The following FBXO8 variants were observed in gnomAD, a reference collection of about 807,000 sequenced individuals.
FBXO8 encodes the protein F-box only protein 8.
In FBXO8, 15 loss-of-function variants were observed where a neutral mutation model predicts 33.4. That is an observed-to-expected ratio of 0.45 (90% CI 0.30 to 0.69). The LOEUF is 0.69. FBXO8 is among the 30% of genes least tolerant of loss of function. The pLI, the probability that FBXO8 is intolerant of heterozygous loss-of-function variation, is 0.08. For missense variants in FBXO8, 274 were observed against 380.3 expected (o/e 0.72, Z 2.32); for synonymous variants, 132 against 131.5 (o/e 1.00, Z -0.02).
rs2126429039 is a variant in FBXO8 at position 174,255,528 on chromosome 4, T to C, written c.456+4171A>G. Among the ~76,000 whole-genome samples the C allele has an allele frequency of 6.6e-6, 1 of 151,834 alleles. No individual in the cohort carries two copies. The highest frequency in any genetic ancestry group is 3.4e-3 in the Middle Eastern group (1 of 292). ...ATAATAGATTATTTAGTAAAATGTA[T>C]AAAATTATACACATGTGGATATTTC... On this transcript the variant is annotated intron_variant, in intron 3 of 5. Transcript: ENST00000393674. This position sits in a 1 kb window ranked among gnomAD's most constrained non-coding sequence, Gnocchi z 4.3.
rs1485567523 is a variant in FBXO8, at chr4:174,239,156, T to C, written c.610A>G (p.Asn204Asp). Residue 204 changes from asparagine (N) to aspartate (D), a missense_variant, in exon 5 of 6, where the codon AAT becomes GAT. By Grantham distance (23) the Asn-to-Asp change is conservative. Around this residue, in one of 2 missense-constraint regions of FBXO8, gnomAD observed 186 missense variants for 293.4 expected, o/e 0.63. Coordinates refer to ENST00000393674, the MANE Select transcript of FBXO8 (RefSeq NM_012180.3). The stretch of plus-strand genomic sequence containing the variant: ...TTTGGCAAGAACTGATTTCTAAAAT[T>C]ATGCAATGTTACAAGGTCATCCAAG... ...DVLDDLVTLHNFRNQFLPNAL... is the reference protein window; with the variant it reads ...DVLDDLVTLHDFRNQFLPNAL... 6.3e-7 allele frequency: 1 copy of C among 1,594,694 alleles called. No individual in the cohort carries two copies. The highest frequency in any genetic ancestry group is 1.4e-5 in the African/African-American group (1 of 73,936).
rs1047088370 is a variant in FBXO8 at position 174,254,333 on chromosome 4, G to A, written c.456+5366C>T. 1.3e-5 allele frequency among the ~76,000 whole-genome samples: 2 copies of A among 152,116 alleles called. No individual in the cohort carries two copies. The highest frequency in any genetic ancestry group is 4.8e-5 in the African/African-American group (2 of 41,412). On this transcript the variant is annotated intron_variant, in intron 3 of 5. Transcript: ENST00000393674. This position sits in a 1 kb window ranked among gnomAD's most constrained non-coding sequence, Gnocchi z 4.2. ...ACTACCTGTAAGTTTATTCCTGAGA[G>A]ATTCACTTTCAGTAGAAAGATAAAG... is the stretch of plus-strand genomic sequence containing the variant.
chr4:174,241,935 CTTTAGA>C lies in FBXO8; in HGVS notation c.457-723_457-718del, dbSNP rs956454028. Among the ~76,000 whole-genome samples the C allele has an allele frequency of 6.6e-6, 1 of 151,500 alleles. No homozygotes were observed. The highest frequency in any genetic ancestry group is 2.4e-5 in the African/African-American group (1 of 41,370). On this transcript the variant is annotated intron_variant, in intron 3 of 5. Transcript: ENST00000393674. The surrounding 1 kb of genome is among the most constrained non-coding windows in gnomAD (Gnocchi z 4.2). ...AGCATTACCCATAAGTTTTTACCTA[CTTTAGA>C]TTTAAACCACCACCAACAAAACACC... is the stretch of plus-strand genomic sequence containing the variant.
Position 174,236,737 on chromosome 4 carries a change from G to T in FBXO8, c.*675C>A, listed in dbSNP as rs1339211833. The stretch of plus-strand genomic sequence containing the variant: ...TTTTGATGTTTTAAAAATCCTAAAT[G>T]GTTTAAAGGACTTACCGAGACTTGA... On this transcript the variant is annotated 3_prime_UTR_variant, in exon 6 of 6. Coordinates refer to ENST00000393674, the MANE Select transcript of FBXO8 (RefSeq NM_012180.3). The T allele has an allele frequency of 6.6e-6, 1 of 151,608 alleles. No homozygotes were observed. The highest frequency in any genetic ancestry group is 1.9e-4 in the East Asian group (1 of 5,164). 9.4% of individuals were successfully genotyped at this position (151,608 alleles called of 1,614,324 possible). A position where few individuals can be genotyped will look rare whatever the true frequency, so the allele number is the denominator to read the frequency against.
chr4:174,244,951 C>G (rs989037963), intron 3 of FBXO8, among the ~76,000 whole-genome samples: 1 of 151,630 alleles, frequency 6.6e-6, no homozygotes, highest in Non-Finnish European at 1.5e-5. Context: ...GCCTATAAGA[C>G]TAGCTTGTAA....
rs1276309930 is a variant in FBXO8, at chr4:174,278,886, G to A, written c.-9+4524C>T. 6.6e-6 allele frequency among the ~76,000 whole-genome samples: 1 copy of A among 152,118 alleles called. No individual in the cohort carries two copies. Among genetic ancestry groups the A allele is most frequent in the Non-Finnish European group, 1.5e-5 (1 of 67,968 alleles). On this transcript the variant is annotated intron_variant, in intron 1 of 5. Coordinates refer to ENST00000393674, the MANE Select transcript of FBXO8 (RefSeq NM_012180.3). This position sits in a 1 kb window ranked among gnomAD's most constrained non-coding sequence, Gnocchi z 4.1. ...AAACATTTAATAGTGAAAAGAGACT[G>A]ATGGAAAGAAAACATGAGTTTGACT...
In FBXO8 at chr4:174,236,887, T is replaced by C. The variant is rs1735898736; in HGVS notation, c.*525A>G. ...AAAGTTTAAAGGAAAAGGAAGCTGG[T>C]ATTGGTTTCTGTCTGAAGTCAGATC... is the stretch of plus-strand genomic sequence containing the variant. On this transcript the variant is annotated 3_prime_UTR_variant, in exon 6 of 6. Coordinates refer to ENST00000393674, the MANE Select transcript of FBXO8 (RefSeq NM_012180.3). 6.6e-6 allele frequency: 1 copy of C among 152,130 alleles called. No individual in the cohort carries two copies. Among genetic ancestry groups the C allele is most frequent in the African/African-American group, 2.4e-5 (1 of 41,440 alleles). The allele number at this position is 152,130 out of a possible 1,614,324, so 9.4% of individuals were successfully genotyped here.
intron 1 of FBXO8, among the ~76,000 whole-genome samples, chr4:174,268,043 A>G (rs1736731609): frequency 6.6e-6 from 1 of 152,220 alleles, no homozygotes; most frequent in Non-Finnish European, 1.5e-5. Flanking sequence ...CTAAGAGCAT[A>G]GTCTATGTTA....
Position 174,238,976 on chromosome 4 carries a change from T to C in FBXO8, c.772+18A>G, listed in dbSNP as rs375549498. The C allele has an allele frequency of 5.8e-5, 83 of 1,436,166 alleles. No homozygotes were observed. Among genetic ancestry groups the C allele is most frequent in the Non-Finnish European group, 4.3e-5 (46 of 1,077,976 alleles). The allele number at this position is 1,436,166 out of a possible 1,614,324, so 89.0% of individuals were successfully genotyped here. A position where few individuals can be genotyped will look rare whatever the true frequency, so the allele number is the denominator to read the frequency against. On this transcript the variant is annotated intron_variant, in intron 5 of 5. Transcript: ENST00000393674. ...AGATGGGCAGGGGGTGATGTACTATTAATATATATATTCTTACCAGGACTA... is the reference window on the plus strand; with the variant it reads ...AGATGGGCAGGGGGTGATGTACTATCAATATATATATTCTTACCAGGACTA...
At position 174,257,397 on chromosome 4, in the gene FBXO8, T is replaced by C. The variant is rs758794918; in HGVS notation, c.456+2302A>G. On this transcript the variant is annotated intron_variant, in intron 3 of 5. Coordinates refer to ENST00000393674, the MANE Select transcript of FBXO8 (RefSeq NM_012180.3). This position sits in a 1 kb window ranked among gnomAD's most constrained non-coding sequence, Gnocchi z 4.3. ...TCTGACTCTGTAACAATCTACAACT[T>C]AGTACTTACCAGGTTACATTTCTCT... 6.6e-6 allele frequency among the ~76,000 whole-genome samples: 1 copy of C among 152,158 alleles called. No individual in the cohort carries two copies. The highest frequency in any genetic ancestry group is 1.5e-5 in the Non-Finnish European group (1 of 68,018).
rs1384329785 is a variant in FBXO8 at position 174,254,793 on chromosome 4, T to C, written c.456+4906A>G. Among the ~76,000 whole-genome samples, 2 of 152,134 alleles carry C rather than the reference T, an allele frequency of 1.3e-5. No individual in the cohort carries two copies. The highest frequency in any genetic ancestry group is 4.8e-5 in the African/African-American group (2 of 41,440). On this transcript the variant is annotated intron_variant, in intron 3 of 5. Coordinates refer to ENST00000393674, the MANE Select transcript of FBXO8 (RefSeq NM_012180.3). This position sits in a 1 kb window ranked among gnomAD's most constrained non-coding sequence, Gnocchi z 4.2. ...ATCAGACCAAAGGAAAGAAAACAAT[T>C]ACAGACCCACAGACTTTGATAAGAG... is the stretch of plus-strand genomic sequence containing the variant.
Position 174,262,965 on chromosome 4 carries a change from T to C in FBXO8, c.128A>G (p.His43Arg). Residue 43 changes from histidine (H) to arginine (R), a missense_variant, in exon 2 of 6, where the codon CAT becomes CGT. By Grantham distance (29) the His-to-Arg change is conservative. Coordinates refer to ENST00000393674, the MANE Select transcript of FBXO8 (RefSeq NM_012180.3). This position sits in a 1 kb window ranked among gnomAD's most constrained non-coding sequence, Gnocchi z 4.6. ...AATGCCTCCTTGGACTTGTTTACGA[T>C]GATTGGTGTTAGAAATGTTGCTCGC... Reference protein sequence around the residue: ...MAASNISNTNHRKQVQGGIDI... With the variant: ...MAASNISNTNRRKQVQGGIDI... The C allele has an allele frequency of 8.1e-6, 13 of 1,614,036 alleles. No individual in the cohort carries two copies. Among genetic ancestry groups the C allele is most frequent in the Non-Finnish European group, 1.1e-5 (13 of 1,179,926 alleles).
Position 174,256,204 on chromosome 4 carries a change from A to T in FBXO8, c.456+3495T>A. 4.5e-6 allele frequency: 2 copies of T among 448,598 alleles called. No homozygotes were observed. Among genetic ancestry groups the T allele is most frequent in the Middle Eastern group, 9.9e-4 (2 of 2,012 alleles). The allele number at this position is 448,598 out of a possible 1,614,324, so 27.8% of individuals were successfully genotyped here. A position where few individuals can be genotyped will look rare whatever the true frequency, so the allele number is the denominator to read the frequency against. On this transcript the variant is annotated intron_variant, in intron 3 of 5. Coordinates refer to ENST00000393674, the MANE Select transcript of FBXO8 (RefSeq NM_012180.3). This position sits in a 1 kb window ranked among gnomAD's most constrained non-coding sequence, Gnocchi z 4.6. ...GATGTTTGCTATCAAAATGTTAAGTACAATACTGGAAATTATGAAAAAGTA... is the reference window on the plus strand; with the variant it reads ...GATGTTTGCTATCAAAATGTTAAGTTCAATACTGGAAATTATGAAAAAGTA...
rs757801353 is a variant in FBXO8 at position 174,257,148 on chromosome 4, T to C, written c.456+2551A>G. Among the ~76,000 whole-genome samples, 3 of 152,162 alleles carry C rather than the reference T, an allele frequency of 2.0e-5. No individual in the cohort carries two copies. The highest frequency in any genetic ancestry group is 2.9e-5 in the Non-Finnish European group (2 of 68,028). On this transcript the variant is annotated intron_variant, in intron 3 of 5. Coordinates refer to ENST00000393674, the MANE Select transcript of FBXO8 (RefSeq NM_012180.3). The surrounding 1 kb of genome is among the most constrained non-coding windows in gnomAD (Gnocchi z 4.3). ...AGAGGAGGTACTAACAAGAACTGTA[T>C]AGTTTGATATTGGTAGCTGCAAGGA...
chr4:174,277,239 T>G lies in FBXO8; in HGVS notation c.-9+6171A>C, dbSNP rs2080026714. Among the ~76,000 whole-genome samples the G allele has an allele frequency of 6.6e-6, 1 of 152,154 alleles. No individual in the cohort carries two copies. Among genetic ancestry groups the G allele is most frequent in the Non-Finnish European group, 1.5e-5 (1 of 67,994 alleles). The stretch of plus-strand genomic sequence containing the variant: ...AGATGGTATTTTTGACTACTATGTT[T>G]TGTTTCCTATTCAAAATAGTAGACT... On this transcript the variant is annotated intron_variant, in intron 1 of 5. Transcript: ENST00000393674. This position sits in a 1 kb window ranked among gnomAD's most constrained non-coding sequence, Gnocchi z 4.9.
intron 3 of FBXO8, among the ~76,000 whole-genome samples, chr4:174,248,594 G>A (rs1736214401): frequency 1.3e-5 from 2 of 152,100 alleles, no homozygotes; most frequent in Admixed American, 6.6e-5. Context: ...ATTAACAGCT[G>A]TGAAGAGAGA....
chr4:174,257,153 T>C lies in FBXO8; in HGVS notation c.456+2546A>G, dbSNP rs1736435478. On this transcript the variant is annotated intron_variant, in intron 3 of 5. Transcript: ENST00000393674. This position sits in a 1 kb window ranked among gnomAD's most constrained non-coding sequence, Gnocchi z 4.3. ...AGGTACTAACAAGAACTGTATAGTT[T>C]GATATTGGTAGCTGCAAGGATGAAA... Among the ~76,000 whole-genome samples, 1 of 152,124 alleles carries C rather than the reference T, an allele frequency of 6.6e-6. No homozygotes were observed. The highest frequency in any genetic ancestry group is 1.5e-5 in the Non-Finnish European group (1 of 67,998).
chr4:174,248,752 A>G (rs527947641), intron 3 of FBXO8, among the ~76,000 whole-genome samples: 113 of 152,092 alleles, frequency 7.4e-4, no homozygotes, highest in Non-Finnish European at 1.2e-3. Context: ...TGAATTGGCA[A>G]GGATTTCAGC....
Position 174,281,509 on chromosome 4 carries a change from C to G in FBXO8, c.-9+1901G>C, listed in dbSNP as rs778713221. On this transcript the variant is annotated intron_variant, in intron 1 of 5. Transcript: ENST00000393674. This position sits in a 1 kb window ranked among gnomAD's most constrained non-coding sequence, Gnocchi z 4.6. ...CTCAGGACTTCAAGACCAGCCTGGG[C>G]AGCACAGTCAGACAAAAAAATTAAA... Among the ~76,000 whole-genome samples the G allele has an allele frequency of 1.6e-4, 25 of 152,074 alleles. No homozygotes were observed. Among genetic ancestry groups the G allele is most frequent in the Non-Finnish European group, 3.7e-4 (25 of 68,024 alleles).
Sources: allele counts gnomAD v4.1 joint callset (sites outside exome capture counted in the v4.1 genomes callset), GRCh38; gene constraint gnomAD v4.1.1; regional missense constraint gnomAD v4.1.1; non-coding constraint Gnocchi (gnomAD v3.1); transcripts MANE v1.5; gene names NCBI Gene and HGNC (gene_info 2026-07-23, HGNC 2026-07-21).